The following CTBP2 variants were observed in gnomAD, a reference collection of about 807,000 sequenced individuals.
CTBP2 encodes the protein C-terminal-binding protein 2.
CTBP2 carries 30 observed loss-of-function variants against 80.3 expected under a neutral mutation model. The ratio of observed to expected loss-of-function variants is 0.37; its 90% CI spans 0.28 to 0.51. The LOEUF (loss-of-function observed/expected upper bound fraction) is 0.51. CTBP2 is among the 20% of genes least tolerant of loss of function. The pLI, the probability that CTBP2 is intolerant of heterozygous loss-of-function variation, is 0.93. For missense variants in CTBP2, 1,212 were observed against 1,375.3 expected, an observed-to-expected ratio of 0.88 and a Z score of 1.88; for synonymous variants, 594 against 587.4, an observed-to-expected ratio of 1.01 and a Z score of -0.16.
chr10:125,153,852 G>A lies in CTBP2; in HGVS notation c.-206+6467C>T, dbSNP rs1693657. On this transcript the variant is annotated intron_variant, in intron 1 of 10. Transcript: ENST00000337195. ...ATAAAGTTTTTGTTTGTCCTGGGAC[G>A]GGACAGATTGCTGGAGGCCAGATTT... 2.6e-5 allele frequency among the ~76,000 whole-genome samples: 4 copies of A among 151,754 alleles called. No individual in the cohort carries two copies. The East Asian group carries it at 7.7e-4, about 29-fold the overall frequency.
intron 2 of CTBP2, among the ~76,000 whole-genome samples, chr10:125,104,774 G>T (rs1851204590): frequency 6.6e-6 from 1 of 152,216 alleles, no homozygotes. Context: ...ATTTTTAACA[G>T]CATGGGGCCA....
chr10:125,113,413 T>C (rs1852642138), intron 1 of CTBP2, among the ~76,000 whole-genome samples: 1 of 152,224 alleles, frequency 6.6e-6, no homozygotes, highest in African/African-American at 2.4e-5. Context: ...CTTAATCACA[T>C]TTTATTTATC....
chr10:125,022,869 T>G (rs1428903883), intron 1 of CTBP2, among the ~76,000 whole-genome samples: 1 of 151,880 alleles, frequency 6.6e-6, no homozygotes, highest in Non-Finnish European at 1.5e-5. Context: ...TGCAGAGGAG[T>G]CTCAAACAAG....
intron 1 of CTBP2, among the ~76,000 whole-genome samples, chr10:125,006,293 C>T (rs111437785): frequency 1.1e-4 from 16 of 147,978 alleles, no homozygotes; most frequent in Non-Finnish European, 1.9e-4. Context: ...ATGCCGGGCA[C>T]GACGGCTGGA....
intron 1 of CTBP2, among the ~76,000 whole-genome samples, chr10:125,023,778 A>G (rs1957281457): frequency 6.6e-6 from 1 of 152,226 alleles, no homozygotes; most frequent in African/African-American, 2.4e-5. Flanking sequence ...AAAAGCAAAC[A>G]TACATTAAAA....
At chr10:125,000,129 T>G (rs986284903) in intron 3 of CTBP2, 1 of 152,316 alleles carries the variant, frequency 6.6e-6, no homozygotes, top group East Asian at 1.9e-4. Context: ...GTGGTTCCAC[T>G]GCTCACCGGA....
chr10:125,038,918 C>A, intron 3 of CTBP2, 79 bp downstream of exon 3: 1 of 1,429,350 alleles, frequency 7.0e-7, no homozygotes, highest in Non-Finnish European at 9.7e-7. Flanking sequence ...AGTGGCACAG[C>A]CAACTCAAGG....
chr10:125,146,753 A>C (rs753260442), intron 1 of CTBP2, among the ~76,000 whole-genome samples: 8 of 152,188 alleles, frequency 5.3e-5, no homozygotes, highest in Non-Finnish European at 8.8e-5. Context: ...CCCCACAGGA[A>C]GCACAGAGCA....
At chr10:125,070,743 G>A (rs1000609468) in intron 2 of CTBP2, among the ~76,000 whole-genome samples, 2 of 152,118 alleles carry the variant, frequency 1.3e-5, no homozygotes, top group African/African-American at 2.4e-5. Flanking sequence ...TCAGCTCACT[G>A]CAGCCTCCGC....
intron 1 of CTBP2, among the ~76,000 whole-genome samples, chr10:125,121,410 T>G (rs1490379776): frequency 1.3e-5 from 2 of 152,208 alleles, no homozygotes; most frequent in African/African-American, 4.8e-5. Flanking sequence ...CTATTTAATT[T>G]TAAACTGAAT....
At chr10:125,137,250 CT>C (rs1176523595) in intron 1 of CTBP2, among the ~76,000 whole-genome samples, 1 of 152,204 alleles carries the variant, frequency 6.6e-6, no homozygotes, top group African/African-American at 2.4e-5. Context: ...GGACGTGGGC[CT>C]CAGGAGTCAA....
intron 1 of CTBP2, among the ~76,000 whole-genome samples, chr10:125,131,740 C>A (rs1207908395): frequency 6.6e-6 from 1 of 152,226 alleles, no homozygotes; most frequent in Non-Finnish European, 1.5e-5. Context: ...CAGAGTGATT[C>A]AGGCACTCAG....
intron 1 of CTBP2, among the ~76,000 whole-genome samples, chr10:125,011,606 C>T (rs1159511408): frequency 6.6e-6 from 1 of 152,184 alleles, no homozygotes; most frequent in African/African-American, 2.4e-5. Flanking sequence ...AAAATACAAA[C>T]CCCCCTGAAA....
intron 2 of CTBP2, among the ~76,000 whole-genome samples, chr10:125,040,871 A>C (rs544470534): frequency 1.3e-5 from 2 of 152,368 alleles, no homozygotes; most frequent in African/African-American, 4.8e-5. Context: ...GATTCTCCAT[A>C]AAAGAGCTAC....
intron 1 of CTBP2, among the ~76,000 whole-genome samples, chr10:125,021,149 T>C (rs1341879330): frequency 6.6e-6 from 1 of 152,036 alleles, no homozygotes; most frequent in Non-Finnish European, 1.5e-5. Context: ...GCCTCAGTAG[T>C]CCAGTGTGAG....
At chr10:125,025,631 C>T (rs2363893) in intron 1 of CTBP2, among the ~76,000 whole-genome samples, 66,421 of 152,064 alleles carry the variant, frequency 0.44, 15,350 homozygotes, top group East Asian at 0.63. Context: ...CGTTTCCACA[C>T]GATCACGCCC....
At chr10:125,102,878 C>G (rs1024283847) in intron 2 of CTBP2, among the ~76,000 whole-genome samples, 6 of 152,186 alleles carry the variant, frequency 3.9e-5, no homozygotes, top group African/African-American at 1.4e-4. Context: ...TTCTTGCTGT[C>G]CTCATCATCC....
chr10:125,069,345 C>T (rs567521870), intron 2 of CTBP2, among the ~76,000 whole-genome samples: 1 of 152,200 alleles, frequency 6.6e-6, no homozygotes, highest in Admixed American at 6.5e-5. Flanking sequence ...TGGCCAAGTG[C>T]GGTGGCTCAC....
chr10:125,147,975 G>C (rs1293753191), intron 1 of CTBP2, among the ~76,000 whole-genome samples: 1 of 152,058 alleles, frequency 6.6e-6, no homozygotes, highest in African/African-American at 2.4e-5. Context: ...CTACTTCATT[G>C]AATCCTTACA....
Sources: gnomAD v4.1 joint callset for allele counts (sites outside exome capture counted in the v4.1 genomes callset) on GRCh38, gnomAD v4.1.1 for gene constraint, MANE v1.5 for transcripts, NCBI Gene and HGNC (gene_info 2026-07-23, HGNC 2026-07-21) for gene names.